ARHGAP15: variants seen among roughly 807,000 people sequenced by gnomAD.
ARHGAP15 encodes the protein Rho GTPase activating protein 15, also known as rho GTPase-activating protein 15.
In ARHGAP15, 51 loss-of-function variants were observed where a neutral mutation model predicts 63.7. The observed-to-expected ratio is 0.80, with a 90% confidence interval of 0.64 to 1.01. The LOEUF is 1.01. ARHGAP15 is among the 50% of genes least tolerant of loss of function. ARHGAP15 has a pLI of 0.00. For synonymous variants in ARHGAP15, 191 were observed against 193.8 expected (o/e 0.99, Z 0.12); for missense variants, 560 against 564.6 (o/e 0.99, Z 0.08).
chr2:143,705,900 G>A (rs1193694206), intron 13 of ARHGAP15, among the ~76,000 whole-genome samples: 1 of 152,076 alleles, frequency 6.6e-6, no homozygotes, highest in Non-Finnish European at 1.5e-5. Context: ...AACAATTAAT[G>A]CCTGATCCTG....
At chr2:143,243,540 A>G (rs1693943116) in intron 5 of ARHGAP15, among the ~76,000 whole-genome samples, 1 of 152,126 alleles carries the variant, frequency 6.6e-6, no homozygotes, top group Non-Finnish European at 1.5e-5. Context: ...TAAAAAGTGT[A>G]TTTTTATAAT....
intron 13 of ARHGAP15, among the ~76,000 whole-genome samples, chr2:143,752,015 G>T (rs1380569467): frequency 6.6e-6 from 1 of 152,166 alleles, no homozygotes; most frequent in African/African-American, 2.4e-5. Flanking sequence ...ACAGAGAATA[G>T]CATCCTTCCT....
At chr2:143,503,098 C>T (rs189443840) in intron 9 of ARHGAP15, among the ~76,000 whole-genome samples, 1 of 152,318 alleles carries the variant, frequency 6.6e-6, no homozygotes, top group Non-Finnish European at 1.5e-5. Context: ...TTGGCTCAGC[C>T]TTTTGCCCCC....
intron 13 of ARHGAP15, among the ~76,000 whole-genome samples, chr2:143,765,106 A>AAT (rs1491384248): frequency 8.6e-6 from 1 of 116,108 alleles, no homozygotes; most frequent in East Asian, 2.6e-4. Context: ...TTGCCTCTAA[A>AAT]ATATGTGTGT....
chr2:143,236,590 T>G (rs1021074972), intron 5 of ARHGAP15: 2 of 152,124 alleles, frequency 1.3e-5, no homozygotes, highest in African/African-American at 2.4e-5. Context: ...TGGCGTCGTT[T>G]TATGATAACT....
At chr2:143,708,100 T>G (rs925080013) in intron 13 of ARHGAP15, among the ~76,000 whole-genome samples, 2 of 152,168 alleles carry the variant, frequency 1.3e-5, no homozygotes, top group Non-Finnish European at 2.9e-5. Flanking sequence ...GCTCTGCCAC[T>G]TACTGGATGT....
At chr2:143,207,596 G>C (rs1692385064) in intron 3 of ARHGAP15, among the ~76,000 whole-genome samples, 1 of 151,670 alleles carries the variant, frequency 6.6e-6, no homozygotes, top group African/African-American at 2.4e-5. Context: ...GGTTTTCCTG[G>C]ATCATCTCTC....
intron 12 of ARHGAP15, among the ~76,000 whole-genome samples, chr2:143,632,336 A>G (rs1680081280): frequency 6.6e-6 from 1 of 152,074 alleles, no homozygotes; most frequent in Admixed American, 6.6e-5. Context: ...ATGAACATAT[A>G]TATTGTGTTC....
chr2:143,353,304 A>T (rs1028636179), intron 6 of ARHGAP15, among the ~76,000 whole-genome samples: 2 of 152,156 alleles, frequency 1.3e-5, no homozygotes, highest in African/African-American at 4.8e-5. Context: ...AAAATTAAAT[A>T]ATAAAAGATT....
chr2:143,765,390 G>T (rs1285379340), intron 13 of ARHGAP15, among the ~76,000 whole-genome samples: 1 of 152,184 alleles, frequency 6.6e-6, no homozygotes, highest in East Asian at 1.9e-4. Flanking sequence ...TTTGGCAAAT[G>T]AAATAACAAA....
chr2:143,354,880 T>C (rs927579406), intron 6 of ARHGAP15, among the ~76,000 whole-genome samples: 8 of 152,212 alleles, frequency 5.3e-5, no homozygotes, highest in Non-Finnish European at 1.0e-4. Context: ...TCAAGTCAAC[T>C]CATTTGTTTT....
intron 2 of ARHGAP15, among the ~76,000 whole-genome samples, chr2:143,179,387 T>C (rs916747897): frequency 6.6e-6 from 1 of 152,196 alleles, no homozygotes; most frequent in African/African-American, 2.4e-5. Context: ...TCTTATGTCT[T>C]AAGAAAAGTC....
chr2:143,340,995 T>A (rs1340157070), intron 6 of ARHGAP15, among the ~76,000 whole-genome samples: 2 of 150,828 alleles, frequency 1.3e-5, no homozygotes, highest in African/African-American at 4.8e-5. Context: ...AGCTTTTTGT[T>A]TTTACCGTTT....
intron 2 of ARHGAP15, among the ~76,000 whole-genome samples, chr2:143,165,105 A>G (rs760851861): frequency 1.3e-5 from 2 of 152,020 alleles, no homozygotes; most frequent in Non-Finnish European, 2.9e-5. Flanking sequence ...ATTTCAATAA[A>G]CTTTTTTTCT....
intron 6 of ARHGAP15, among the ~76,000 whole-genome samples, chr2:143,316,998 A>G (rs778641898): frequency 1.3e-5 from 2 of 152,040 alleles, no homozygotes; most frequent in Non-Finnish European, 2.9e-5. Flanking sequence ...CCTCAAATAA[A>G]CTTTTCCTGA....
At chr2:143,442,442 G>A (rs950961801) in intron 8 of ARHGAP15, among the ~76,000 whole-genome samples, 6 of 151,992 alleles carry the variant, frequency 3.9e-5, no homozygotes, top group South Asian at 2.1e-4. Context: ...CTTCTGTACC[G>A]TCTCCACCAA....
chr2:143,373,629 CAAAAAAAAA>C (rs58153000), intron 6 of ARHGAP15, among the ~76,000 whole-genome samples: 4 of 62,954 alleles, frequency 6.4e-5, no homozygotes, highest in Non-Finnish European at 9.3e-5. Flanking sequence ...GACTCTATCT[CAAAAAAAAA>C]AAAAAAAAAA....
In ARHGAP15 at chr2:143,596,826, T is replaced by A. The variant is rs1210822384; in HGVS notation, c.1004-27307T>A. Among the ~76,000 whole-genome samples the A allele has an allele frequency of 2.6e-5, 4 of 152,284 alleles. No individual in the cohort carries two copies. The East Asian group carries it at 7.7e-4, about 29-fold the overall frequency. On this transcript the variant is annotated intron_variant, in intron 11 of 13. Coordinates refer to ENST00000295095, the MANE Select transcript of ARHGAP15 (RefSeq NM_018460.4). ...TACCTGTTCATTATGCAAAAAGTCT[T>A]CACAGAAAATATTTCCAAAATTCCA...
intron 6 of ARHGAP15, among the ~76,000 whole-genome samples, chr2:143,396,403 G>A (rs1277317569): frequency 2.0e-5 from 3 of 152,014 alleles, no homozygotes; most frequent in African/African-American, 7.2e-5. Flanking sequence ...AGTGTAAACT[G>A]ATGGCCAGCT....
Sources: gnomAD v4.1 joint callset for allele counts (sites outside exome capture counted in the v4.1 genomes callset) on GRCh38, gnomAD v4.1.1 for gene constraint, MANE v1.5 for transcripts, NCBI Gene and HGNC (gene_info 2026-07-23, HGNC 2026-07-21) for gene names.